The following ATL1 variants were observed in gnomAD, a reference collection of about 807,000 sequenced individuals.
The protein encoded by ATL1 is atlastin GTPase 1, also known as atlastin-1.
Under a neutral mutation model 75.5 loss-of-function variants are expected in ATL1, and 31 were observed. The ratio of observed to expected loss-of-function variants is 0.41; its 90% CI spans 0.31 to 0.55. The LOEUF (loss-of-function observed/expected upper bound fraction) is 0.55. Among genes scored for constraint, ATL1 ranks in the 20% least tolerant of loss-of-function variants. The pLI is 0.27. For synonymous variants in ATL1, 226 were observed against 233.3 expected (o/e 0.97, Z 0.28); for missense variants, 405 against 662.6 (o/e 0.61, Z 4.27).
intron 1 of ATL1, among the ~76,000 whole-genome samples, chr14:50,567,328 T>C (rs1317455658): frequency 2.0e-5 from 3 of 152,194 alleles, no homozygotes; most frequent in African/African-American, 7.2e-5. Flanking sequence ...TAGCATTCCG[T>C]TGTAAGTATA....
At chr14:50,608,632 C>T (rs1192672091) in intron 6 of ATL1, among the ~76,000 whole-genome samples, 1 of 151,938 alleles carries the variant, frequency 6.6e-6, no homozygotes, top group African/African-American at 2.4e-5. Context: ...CTATACCACA[C>T]ATGGTCCTCA....
chr14:50,601,729 T>A (rs1246400397), intron 6 of ATL1, among the ~76,000 whole-genome samples: 1 of 152,222 alleles, frequency 6.6e-6, no homozygotes, highest in Admixed American at 6.5e-5. Flanking sequence ...ATTTAAAGTA[T>A]AAAAATCTGG....
rs2039542244 is a variant in ATL1 at position 50,628,314 on chromosome 14, T to C, written c.1403T>C (p.Ile468Thr). The C allele has an allele frequency of 6.2e-7, 1 of 1,614,056 alleles. No individual in the cohort carries two copies. Among genetic ancestry groups the C allele is most frequent in the African/African-American group, 1.3e-5 (1 of 74,908 alleles). The change falls in exon 12 of 14, where the codon ATT (isoleucine) becomes ACT (threonine). Residue 468 changes from isoleucine (I) to threonine (T), a missense_variant. This residue lies in a region of ATL1 where 163 missense variants were observed against 244.1 expected (regional missense o/e 0.67). Transcript: ENST00000358385. Reference sequence around the variant, plus strand: ...GTGATTGCTGGTGTGACTGGATTCATTGGTTTGGACATCATAGCTAGCCTA... The same window carrying C: ...GTGATTGCTGGTGTGACTGGATTCACTGGTTTGGACATCATAGCTAGCCTA... Reference protein sequence around the residue: ...TYVIAGVTGFIGLDIIASLCN... With the variant: ...TYVIAGVTGFTGLDIIASLCN...
At chr14:50,540,628 A>G (rs1342628250) in intron 1 of ATL1, among the ~76,000 whole-genome samples, 1 of 152,180 alleles carries the variant, frequency 6.6e-6, no homozygotes, top group African/African-American at 2.4e-5. Context: ...GTCTCAAAAT[A>G]CCGCCAAAAT....
chr14:50,593,528 GTTA>G (rs2039183365), intron 4 of ATL1, among the ~76,000 whole-genome samples: 1 of 152,098 alleles, frequency 6.6e-6, no homozygotes, highest in East Asian at 1.9e-4. Flanking sequence ...GATTTAGATT[GTTA>G]TTATTTTGTC....
intron 3 of ATL1, 54 bp downstream of exon 3, chr14:50,591,129 C>T: frequency 6.4e-7 from 1 of 1,559,540 alleles, no homozygotes; most frequent in Non-Finnish European, 8.8e-7. Context: ...ACAGTTACTA[C>T]TTTTTAGGAT....
intron 1 of ATL1, among the ~76,000 whole-genome samples, chr14:50,554,361 A>G (rs2038739650): frequency 6.6e-6 from 1 of 152,186 alleles, no homozygotes; most frequent in South Asian, 2.1e-4. Flanking sequence ...GATGTTTTGT[A>G]TACTGTAGAT....
intron 1 of ATL1, among the ~76,000 whole-genome samples, chr14:50,549,396 A>C (rs1264003516): frequency 6.6e-6 from 1 of 152,202 alleles, no homozygotes; most frequent in East Asian, 1.9e-4. Flanking sequence ...CTCACAGCTG[A>C]GACCTAGAAG....
intron 6 of ATL1, among the ~76,000 whole-genome samples, chr14:50,607,712 C>A (rs1036775905): frequency 6.6e-6 from 1 of 151,876 alleles, no homozygotes; most frequent in African/African-American, 2.4e-5. Flanking sequence ...GTAGTCTTTC[C>A]CGGTGAGTGT....
intron 8 of ATL1, among the ~76,000 whole-genome samples, chr14:50,618,375 A>G (rs2039434217): frequency 6.6e-6 from 1 of 152,220 alleles, no homozygotes; most frequent in African/African-American, 2.4e-5. Context: ...GTAACTAAAA[A>G]GCAAACCACA....
At chr14:50,558,633 A>C (rs1400959644), upstream of ATL1, among the ~76,000 whole-genome samples, 9 of 152,206 alleles carry the variant, frequency 5.9e-5, no homozygotes, top group African/African-American at 2.2e-4. Context: ...ATAGGTGTTG[A>C]ATTATATAAA....
At chr14:50,601,002 CG>C (rs1165956186) in intron 6 of ATL1, among the ~76,000 whole-genome samples, 1 of 151,998 alleles carries the variant, frequency 6.6e-6, no homozygotes, top group African/African-American at 2.4e-5. Flanking sequence ...CTATTTGGAG[CG>C]GGGCTGAAGT....
intron 2 of ATL1, among the ~76,000 whole-genome samples, chr14:50,589,362 G>C (rs1595598918): frequency 6.6e-6 from 1 of 151,900 alleles, no homozygotes; most frequent in Non-Finnish European, 1.5e-5. Flanking sequence ...GTTTCACTAT[G>C]TTGACCAGGC....
chr14:50,536,436 CA>C (rs34686813), intron 1 of ATL1, among the ~76,000 whole-genome samples: 84,631 of 106,788 alleles, frequency 0.79, 33,952 homozygotes, highest in South Asian at 0.91. Flanking sequence ...AACTCTGTCT[CA>C]AAAAAAAAAA....
At chr14:50,622,534 C>T (rs1383597166) in intron 10 of ATL1, among the ~76,000 whole-genome samples, 4 of 152,008 alleles carry the variant, frequency 2.6e-5, no homozygotes, top group East Asian at 3.9e-4. Flanking sequence ...GGCGTGGTGG[C>T]GCAAGCCTGT....
intron 6 of ATL1, among the ~76,000 whole-genome samples, chr14:50,597,220 C>CAAAAAACAA (rs2039227107): frequency 2.8e-5 from 3 of 108,404 alleles, no homozygotes; most frequent in African/African-American, 1.2e-4. Context: ...AAAAAACAAA[C>CAAAAAACAA]AAAAAAAAAA....
chr14:50,557,206 G>A (rs938514465), upstream of ATL1, among the ~76,000 whole-genome samples: 1 of 152,130 alleles, frequency 6.6e-6, no homozygotes, highest in African/African-American at 2.4e-5. Flanking sequence ...TTATTCTGGA[G>A]AATGTGAAAC....
chr14:50,607,494 G>C (rs981989915), intron 6 of ATL1, among the ~76,000 whole-genome samples: 1 of 152,008 alleles, frequency 6.6e-6, no homozygotes, highest in African/African-American at 2.4e-5. Context: ...AAGTTTTCTG[G>C]AGTGAGTCTT....
Position 50,628,400 on chromosome 14 carries a change from T to G in ATL1, c.1489T>G (p.Ser497Ala), listed in dbSNP as rs1363475199. Residue 497 changes from serine (S) to alanine (A), a missense_variant, in exon 12 of 14, where the codon TCT (serine) becomes GCT (alanine). Ser to Ala is a moderately conservative substitution (Grantham distance 99, BLOSUM62 1). Around this residue, in one of 5 missense-constraint regions of ATL1, gnomAD observed 163 missense variants for 244.1 expected, o/e 0.67. Coordinates refer to ENST00000358385, the MANE Select transcript of ATL1 (RefSeq NM_015915.5). Reference sequence around the variant, plus strand: ...GTGCACTTGGGCATATATCCGGTACTCTGGAGAATACCGAGAGCTGGGAGC... The same window carrying G: ...GTGCACTTGGGCATATATCCGGTACGCTGGAGAATACCGAGAGCTGGGAGC... The part of the protein sequence containing the change: ...TLCTWAYIRY[S>A]GEYRELGAVI... The G allele has an allele frequency of 2.5e-6, 4 of 1,614,184 alleles. No homozygotes were observed. The highest frequency in any genetic ancestry group is 3.4e-6 in the Non-Finnish European group (4 of 1,180,038).
Sources: gnomAD v4.1 joint callset for allele counts (sites outside exome capture counted in the v4.1 genomes callset) on GRCh38, gnomAD v4.1.1 for gene constraint, gnomAD v4.1.1 regional missense constraint, MANE v1.5 for transcripts, NCBI Gene and HGNC (gene_info 2026-07-23, HGNC 2026-07-21) for gene names.